ADCY10: variants seen among roughly 807,000 people sequenced by gnomAD.
The protein encoded by ADCY10 is adenylate cyclase type 10.
A neutral mutation model predicts 183.3 loss-of-function variants in ADCY10; 156 were observed. The ratio of observed to expected loss-of-function variants is 0.85; its 90% CI spans 0.75 to 0.97. ADCY10 has a LOEUF of 0.97. ADCY10 is among the 50% of genes least tolerant of loss of function. The pLI is 0.00. For synonymous variants in ADCY10, 645 were observed against 670.0 expected, an observed-to-expected ratio of 0.96 and a Z score of 0.58; for missense variants, 1,745 against 1,934.3, an observed-to-expected ratio of 0.90 and a Z score of 1.84.
At chr1:167,872,042 A>G (rs1282716439) in intron 13 of ADCY10, among the ~76,000 whole-genome samples, 1 of 152,050 alleles carries the variant, frequency 6.6e-6, no homozygotes, top group East Asian at 1.9e-4. Context: ...AAATAAATAA[A>G]AAATAATAAA....
Position 167,895,034 on chromosome 1 carries a change from T to C in ADCY10, c.740-1093A>G, listed in dbSNP as rs1369158978. Among the ~76,000 whole-genome samples, 3 of 151,894 alleles carry C rather than the reference T, an allele frequency of 2.0e-5. No homozygotes were observed. In the East Asian group the frequency reaches 5.8e-4, roughly 29 times the overall value. On this transcript the variant is annotated intron_variant, in intron 7 of 32. Transcript: ENST00000367851. ...CTGTCTCTACTAAAAATACAAAAATTAGCTGGGTGTGGTGGCACGCCTCTG... is the reference window on the plus strand; with the variant it reads ...CTGTCTCTACTAAAAATACAAAAATCAGCTGGGTGTGGTGGCACGCCTCTG...
At position 167,880,215 on chromosome 1, in the gene ADCY10, G is replaced by T. The variant is rs184595224; in HGVS notation, c.1140-24C>A. ...TTCTGGTGCAGGGGAGACAAGATTT[G>T]TGGGGAAAGAAATAAAGATAATGAG... On this transcript the variant is annotated intron_variant, in intron 10 of 32. Coordinates refer to ENST00000367851, the MANE Select transcript of ADCY10 (RefSeq NM_018417.6). The T allele has an allele frequency of 4.4e-6, 7 of 1,593,474 alleles. No individual in the cohort carries two copies. The East Asian group carries it at 1.3e-4, about 30-fold the overall frequency.
rs2269679 is a variant in ADCY10 at position 167,846,372 on chromosome 1, C to A, written c.2438-109G>T. The A allele has an allele frequency of 0.35, 487,513 of 1,383,640 alleles. 87,344 individuals are homozygous for A. Among genetic ancestry groups the A allele is most frequent in the East Asian group, 0.44 (18,675 of 42,724 alleles). The allele number at this position is 1,383,640 out of a possible 1,614,324, so 85.7% of individuals were successfully genotyped here. ...CCATCCTGCTCTACAGTTCTTGTTG[C>A]AAGAAACTCAGCCAAGCTAAGTCAA... On this transcript the variant is annotated intron_variant, in intron 19 of 32. Transcript: ENST00000367851.
At chr1:167,812,739 A>T (rs1662299496) in intron 31 of ADCY10, among the ~76,000 whole-genome samples, 1 of 152,224 alleles carries the variant, frequency 6.6e-6, no homozygotes, top group African/African-American at 2.4e-5. Flanking sequence ...ATAATCAAAG[A>T]ACTAAAGGAA....
intron 28 of ADCY10, among the ~76,000 whole-genome samples, chr1:167,824,186 G>A (rs757859770): frequency 7.2e-5 from 11 of 152,188 alleles, no homozygotes; most frequent in Non-Finnish European, 1.3e-4. Flanking sequence ...GCTGGGTGTG[G>A]TGGCACGTTG....
intron 19 of ADCY10, among the ~76,000 whole-genome samples, chr1:167,847,483 T>G (rs1665130432): frequency 6.6e-6 from 1 of 151,920 alleles, no homozygotes; most frequent in African/African-American, 2.4e-5. Context: ...TGGCGTGATC[T>G]CGGCTCACTG....
intron 29 of ADCY10, among the ~76,000 whole-genome samples, chr1:167,822,658 C>T (rs1571220089): frequency 6.6e-6 from 1 of 152,110 alleles, no homozygotes; most frequent in African/African-American, 2.4e-5. Context: ...CATTCTAAAG[C>T]GTGAAGTCTC....
intron 30 of ADCY10, chr1:167,818,535 T>C: frequency 1.9e-6 from 1 of 513,164 alleles, no homozygotes; most frequent in Non-Finnish European, 3.6e-6. Flanking sequence ...CTCTTTGGCT[T>C]TGGCTTTTTT....
At position 167,822,938 on chromosome 1, in the gene ADCY10, G is replaced by A. The variant is rs1571220772; in HGVS notation, c.4168+70C>T. ...TAGTGGTCCCAAAGCCCCAACCTGA[G>A]AGCTGCCACACCACACCAGCACAGG... On this transcript the variant is annotated intron_variant, in intron 29 of 32. Coordinates refer to ENST00000367851, the MANE Select transcript of ADCY10 (RefSeq NM_018417.6). 6 of 1,372,792 alleles carry A rather than the reference G, an allele frequency of 4.4e-6. No individual in the cohort carries two copies. In the East Asian group the frequency reaches 1.4e-4, roughly 32 times the overall value. The allele number at this position is 1,372,792 out of a possible 1,614,324, so 85.0% of individuals were successfully genotyped here.
intron 31 of ADCY10, among the ~76,000 whole-genome samples, chr1:167,813,775 A>G (rs1269432544): frequency 1.3e-5 from 2 of 152,190 alleles, no homozygotes; most frequent in East Asian, 1.9e-4. Flanking sequence ...TGTTTTCTAC[A>G]TAATTGAAGA....
At chr1:167,906,744 G>A (rs1033466668) in intron 1 of ADCY10, among the ~76,000 whole-genome samples, 1 of 152,068 alleles carries the variant, frequency 6.6e-6, no homozygotes, top group Non-Finnish European at 1.5e-5. Context: ...AGCTGAGATC[G>A]TGTCACTGCA....
At chr1:167,815,212 A>G (rs910093312) in intron 31 of ADCY10, among the ~76,000 whole-genome samples, 1 of 152,166 alleles carries the variant, frequency 6.6e-6, no homozygotes, top group Non-Finnish European at 1.5e-5. Flanking sequence ...TTACCTCCAG[A>G]AGCTCAACCA....
chr1:167,848,498 G>T lies in ADCY10; in HGVS notation c.2309-9C>A. On this transcript the variant is annotated splice_polypyrimidine_tract_variant and intron_variant, in intron 18 of 32. Coordinates refer to ENST00000367851, the MANE Select transcript of ADCY10 (RefSeq NM_018417.6). The stretch of plus-strand genomic sequence containing the variant: ...TAGCTTAATGGAATACTCTACAGGG[G>T]TATAAAAGGGAAGAAAAGTTGAGTC... 12 of 1,613,306 alleles carry T rather than the reference G, an allele frequency of 7.4e-6. No homozygotes were observed. The highest frequency in any genetic ancestry group is 1.0e-5 in the Non-Finnish European group (12 of 1,179,504).
At chr1:167,846,335 G>A (rs1332920536) in intron 19 of ADCY10, 72 bp from the exon 20 acceptor site, 1 of 1,570,206 alleles carries the variant, frequency 6.4e-7, no homozygotes. Flanking sequence ...TTAATATAGA[G>A]CAGGTGGACA....
At position 167,809,668 on chromosome 1, in the gene ADCY10, C is replaced by T; in HGVS notation, c.*10G>A. The T allele has an allele frequency of 6.2e-7, 1 of 1,613,912 alleles. No homozygotes were observed. The highest frequency in any genetic ancestry group is 8.5e-7 in the Non-Finnish European group (1 of 1,179,826). The stretch of plus-strand genomic sequence containing the variant: ...CATAGTGCTTATTAAAATCTTTTTT[C>T]TTTGACATGTTAGAAATGATTGTCC... On this transcript the variant is annotated 3_prime_UTR_variant, in exon 33 of 33. Coordinates refer to ENST00000367851, the MANE Select transcript of ADCY10 (RefSeq NM_018417.6).
At chr1:167,840,352 CAT>C (rs1234642815) in intron 21 of ADCY10, among the ~76,000 whole-genome samples, 4 of 133,308 alleles carry the variant, frequency 3.0e-5, no homozygotes, top group African/African-American at 1.3e-4. Context: ...TTGGGTGAAT[CAT>C]ATTATTATTA....
At chr1:167,810,067 T>C (rs1439642993) in intron 32 of ADCY10, among the ~76,000 whole-genome samples, 1 of 152,240 alleles carries the variant, frequency 6.6e-6, no homozygotes, top group African/African-American at 2.4e-5. Context: ...TATAGGGCTC[T>C]GTGCTAGGCA....
intron 5 of ADCY10, among the ~76,000 whole-genome samples, chr1:167,900,592 G>A (rs985408832): frequency 1.3e-5 from 2 of 152,032 alleles, no homozygotes; most frequent in African/African-American, 4.8e-5. Context: ...GAGTGCAATG[G>A]CGCCATCTCG....
At chr1:167,878,420 C>T in intron 12 of ADCY10, 26 bp downstream of exon 12, 1 of 1,610,296 alleles carries the variant, frequency 6.2e-7, no homozygotes. Context: ...CTAAAATATA[C>T]TTCAAAATTA....
Sources: allele counts gnomAD v4.1 joint callset (sites outside exome capture counted in the v4.1 genomes callset), GRCh38; gene constraint gnomAD v4.1.1; transcripts MANE v1.5; gene names NCBI Gene and HGNC (gene_info 2026-07-23, HGNC 2026-07-21).